Variants in ADCY2 observed in about 807,000 individuals in gnomAD.
ADCY2 encodes the protein adenylate cyclase 2.
A neutral mutation model predicts 125.2 loss-of-function variants in ADCY2; 31 were observed. The observed-to-expected ratio is 0.25, with a 90% CI of 0.19 to 0.33. ADCY2 has a LOEUF of 0.33. Among genes scored for constraint, ADCY2 ranks in the 10% least tolerant of loss-of-function variants. ADCY2 has a pLI of 1.00. For missense variants in ADCY2, 904 were observed against 1,418.2 expected (o/e 0.64, Z 5.82); for synonymous variants, 512 against 548.4 (o/e 0.93, Z 0.93).
chr5:7,601,640 C>T (rs1294135381), intron 3 of ADCY2, among the ~76,000 whole-genome samples: 1 of 152,142 alleles, frequency 6.6e-6, no homozygotes, highest in Non-Finnish European at 1.5e-5. Flanking sequence ...AATGAGACAA[C>T]CCACACCATT....
intron 23 of ADCY2, among the ~76,000 whole-genome samples, 190 bp downstream of exon 23, chr5:7,817,170 C>G (rs1254533983): frequency 1.3e-5 from 2 of 152,004 alleles, no homozygotes; most frequent in Admixed American, 6.6e-5. Flanking sequence ...TTTGATTGGA[C>G]CTAGGCTACC....
At position 7,773,095 on chromosome 5, in the gene ADCY2, T is replaced by A; in HGVS notation, c.2378T>A (p.Phe793Tyr). The A allele has an allele frequency of 6.2e-7, 1 of 1,613,920 alleles. No homozygotes were observed. Among genetic ancestry groups the A allele is most frequent in the South Asian group, 1.1e-5 (1 of 91,006 alleles). The change falls in exon 18 of 25, where the codon TTT becomes TAT. Residue 793 changes from phenylalanine (F) to tyrosine (Y), a missense_variant. Coordinates refer to ENST00000338316, the MANE Select transcript of ADCY2 (RefSeq NM_020546.3). The part of the protein sequence containing the change: ...HVLGDYSQVL[F>Y]ERPGIWKDLK... Reference sequence around the variant, plus strand: ...CTGGGCGACTACAGCCAGGTCTTATTTGAGAGGTGAGCCACGGCCTCTTCC... The same window carrying A: ...CTGGGCGACTACAGCCAGGTCTTATATGAGAGGTGAGCCACGGCCTCTTCC...
chr5:7,673,743 G>C (rs1483802058), intron 4 of ADCY2, among the ~76,000 whole-genome samples: 1 of 152,154 alleles, frequency 6.6e-6, no homozygotes, highest in Admixed American at 6.5e-5. Flanking sequence ...AGAGGTGGGG[G>C]ACAGGGGAAG....
At chr5:7,573,889 T>C (rs1397619470) in intron 3 of ADCY2, among the ~76,000 whole-genome samples, 1 of 128,978 alleles carries the variant, frequency 7.8e-6, no homozygotes, top group African/African-American at 2.8e-5. Context: ...TAGGTATATC[T>C]CCCAATGCTA....
intron 14 of ADCY2, among the ~76,000 whole-genome samples, chr5:7,737,010 T>A (rs1465490845): frequency 6.6e-6 from 1 of 152,184 alleles, no homozygotes; most frequent in East Asian, 1.9e-4. Context: ...TAAAAACTTT[T>A]TTTTTGCTAT....
intron 3 of ADCY2, among the ~76,000 whole-genome samples, chr5:7,586,456 G>A (rs1406385204): frequency 2.0e-5 from 3 of 152,072 alleles, no homozygotes; most frequent in African/African-American, 7.2e-5. Context: ...CCAGATCTCA[G>A]TGCAGGCCTA....
chr5:7,608,412 C>T (rs1370465885), intron 3 of ADCY2, among the ~76,000 whole-genome samples: 4 of 152,012 alleles, frequency 2.6e-5, no homozygotes, highest in African/African-American at 7.3e-5. Flanking sequence ...TTTGTCTCTA[C>T]TAAAAATACA....
intron 19 of ADCY2, among the ~76,000 whole-genome samples, chr5:7,787,763 A>G (rs1048911961): frequency 1.3e-5 from 2 of 152,200 alleles, no homozygotes; most frequent in African/African-American, 4.8e-5. Flanking sequence ...TACTCTGAGT[A>G]TTCCAAAATA....
At chr5:7,463,729 C>T (rs532553984) in intron 2 of ADCY2, among the ~76,000 whole-genome samples, 9 of 152,058 alleles carry the variant, frequency 5.9e-5, no homozygotes, top group Non-Finnish European at 1.2e-4. Flanking sequence ...TTACTCTTCC[C>T]CTCCAGAAAA....
At chr5:7,571,581 G>C (rs73048136) in intron 3 of ADCY2, among the ~76,000 whole-genome samples, 4,274 of 152,198 alleles carry the variant, frequency 0.028, 188 homozygotes, top group African/African-American at 0.097. Flanking sequence ...TTGTTCTTCT[G>C]TATTAAGGAT....
intron 18 of ADCY2, among the ~76,000 whole-genome samples, chr5:7,784,024 G>C (rs1257450136): frequency 6.6e-6 from 1 of 152,186 alleles, no homozygotes; most frequent in Admixed American, 6.5e-5. Context: ...CTTTCCGAGA[G>C]TAATGATGAA....
intron 3 of ADCY2, among the ~76,000 whole-genome samples, chr5:7,591,247 G>T (rs987074887): frequency 5.9e-5 from 9 of 151,986 alleles, no homozygotes; most frequent in African/African-American, 2.2e-4. Flanking sequence ...TTGTTTTTTT[G>T]GCTTTTTATG....
intron 22 of ADCY2, among the ~76,000 whole-genome samples, chr5:7,812,649 T>C (rs1744981978): frequency 6.6e-6 from 1 of 152,230 alleles, no homozygotes; most frequent in Non-Finnish European, 1.5e-5. Flanking sequence ...GGCTCGTGCC[T>C]GTAATCCCAG....
chr5:7,502,259 G>T (rs1743620739), intron 2 of ADCY2, among the ~76,000 whole-genome samples: 1 of 152,140 alleles, frequency 6.6e-6, no homozygotes, highest in Non-Finnish European at 1.5e-5. Context: ...TTTACTTGGT[G>T]GCAGTCCCCA....
At chr5:7,799,396 A>T (rs183171796) in intron 20 of ADCY2, 40 of 152,416 alleles carry the variant, frequency 2.6e-4, no homozygotes, top group African/African-American at 9.4e-4. Context: ...AGAGAATTTC[A>T]GAAGCCTAGA....
At chr5:7,573,656 A>T (rs1454794685) in intron 3 of ADCY2, among the ~76,000 whole-genome samples, 1 of 142,556 alleles carries the variant, frequency 7.0e-6, no homozygotes, top group Admixed American at 7.3e-5. Context: ...GCAGAGTGAC[A>T]GTACAAAGCT....
intron 3 of ADCY2, among the ~76,000 whole-genome samples, chr5:7,615,348 G>A (rs551401233): frequency 2.6e-5 from 4 of 152,178 alleles, no homozygotes; most frequent in South Asian, 2.1e-4. Flanking sequence ...CTGGTTTTCC[G>A]GCCAATAATT....
At chr5:7,721,780 CT>C (rs1156444037) in intron 12 of ADCY2, among the ~76,000 whole-genome samples, 1 of 152,118 alleles carries the variant, frequency 6.6e-6, no homozygotes, top group Non-Finnish European at 1.5e-5. Flanking sequence ...CAGTACCATG[CT>C]GTTTTGGTTA....
intron 16 of ADCY2, among the ~76,000 whole-genome samples, chr5:7,758,061 T>C (rs1278956418): frequency 6.6e-6 from 1 of 152,162 alleles, no homozygotes; most frequent in African/African-American, 2.4e-5. Flanking sequence ...GGAGTTTAAA[T>C]GATGCGATTG....
Sources: allele counts gnomAD v4.1 joint callset (sites outside exome capture counted in the v4.1 genomes callset), GRCh38; gene constraint gnomAD v4.1.1; transcripts MANE v1.5; gene names NCBI Gene and HGNC (gene_info 2026-07-23, HGNC 2026-07-21).